MLIP: variants seen among roughly 807,000 people sequenced by gnomAD.
MLIP encodes the protein muscular LMNA-interacting protein.
In MLIP, 79 loss-of-function variants were observed where a neutral mutation model predicts 84.8. That is an observed-to-expected ratio of 0.93 (90% CI 0.78 to 1.12). The LOEUF (loss-of-function observed/expected upper bound fraction) is 1.12. Among genes scored for constraint, MLIP ranks in the 50% most tolerant of loss-of-function variants. The pLI is 0.00. For synonymous variants in MLIP, 504 were observed against 463.0 expected, an observed-to-expected ratio of 1.09 and a Z score of -1.14; for missense variants, 1,257 against 1,160.6, an observed-to-expected ratio of 1.08 and a Z score of -1.21.
chr6:54,229,212 G>A (rs535826101), intron 11 of MLIP, among the ~76,000 whole-genome samples: 42 of 152,208 alleles, frequency 2.8e-4, no homozygotes, highest in Non-Finnish European at 5.1e-4. Context: ...CAATCAGTAC[G>A]ATAATTCAGT....
chr6:54,258,440 A>G (rs1451174058), intron 13 of MLIP, among the ~76,000 whole-genome samples: 3 of 152,078 alleles, frequency 2.0e-5, no homozygotes, highest in Non-Finnish European at 4.4e-5. Context: ...ATGAATAGGT[A>G]TGCATTTATA....
intron 8 of MLIP, among the ~76,000 whole-genome samples, chr6:54,161,523 T>C (rs1774637519): frequency 6.6e-6 from 1 of 151,932 alleles, no homozygotes; most frequent in Admixed American, 6.6e-5. Context: ...TTTTCCTTTA[T>C]TGATAATTGT....
chr6:54,076,792 G>T (rs951904491), intron 1 of MLIP, among the ~76,000 whole-genome samples: 1 of 152,128 alleles, frequency 6.6e-6, no homozygotes, highest in Admixed American at 6.5e-5. Flanking sequence ...ATGGGGACGG[G>T]TTGGTATTGT....
intron 4 of MLIP, among the ~76,000 whole-genome samples, chr6:54,146,341 T>A (rs903724072): frequency 6.6e-6 from 1 of 152,216 alleles, no homozygotes; most frequent in African/African-American, 2.4e-5. Flanking sequence ...TTTTACTATG[T>A]GCTAAAAACA....
At chr6:54,156,024 G>A (rs9395909) in intron 5 of MLIP, among the ~76,000 whole-genome samples, 1,671 of 152,042 alleles carry the variant, frequency 0.011, 33 homozygotes, top group African/African-American at 0.035. Flanking sequence ...ACTTTTACCC[G>A]AAATGAATAA....
chr6:54,266,219 C>T lies in MLIP; in HGVS notation c.*264C>T, dbSNP rs558641680. On this transcript the variant is annotated 3_prime_UTR_variant, in exon 14 of 14. Transcript: ENST00000502396. ...GCCTTCTACTTAATATTAAGCTGACCGCAATACTAACGTGCCCCTATATTT... is the reference window on the plus strand; with the variant it reads ...GCCTTCTACTTAATATTAAGCTGACTGCAATACTAACGTGCCCCTATATTT... The T allele has an allele frequency of 3.0e-5, 12 of 401,490 alleles. No homozygotes were observed. The highest frequency in any genetic ancestry group is 4.1e-5 in the Admixed American group (1 of 24,608). The allele number at this position is 401,490 out of a possible 1,614,324, so 24.9% of individuals were successfully genotyped here.
At chr6:54,149,803 C>T (rs746698453) in intron 5 of MLIP, among the ~76,000 whole-genome samples, 1 of 152,128 alleles carries the variant, frequency 6.6e-6, no homozygotes, top group Non-Finnish European at 1.5e-5. Context: ...TAGGCTGTTA[C>T]ATAAGTAGGT....
chr6:54,257,005 C>T (rs117505085), intron 12 of MLIP, among the ~76,000 whole-genome samples: 59 of 152,106 alleles, frequency 3.9e-4, no homozygotes, highest in East Asian at 2.1e-3. Flanking sequence ...TGCATTTTGA[C>T]GATTCCTTCA....
intron 1 of MLIP, among the ~76,000 whole-genome samples, chr6:54,120,454 G>T (rs1395933147): frequency 6.6e-6 from 1 of 152,082 alleles, no homozygotes; most frequent in Non-Finnish European, 1.5e-5. Context: ...AGCCAGGCTG[G>T]TTTCAAACCC....
intron 11 of MLIP, among the ~76,000 whole-genome samples, chr6:54,223,463 T>G (rs1463511138): frequency 6.6e-6 from 1 of 152,120 alleles, no homozygotes; most frequent in African/African-American, 2.4e-5. Flanking sequence ...TTCATTCTTC[T>G]GCATGAGGAC....
chr6:54,146,708 T>C (rs1472854727), intron 4 of MLIP, among the ~76,000 whole-genome samples: 1 of 152,240 alleles, frequency 6.6e-6, no homozygotes, highest in East Asian at 1.9e-4. Flanking sequence ...TCACTTCTTA[T>C]GGTAAGATTC....
At chr6:54,032,685 C>T (rs1321278443) in intron 1 of MLIP, among the ~76,000 whole-genome samples, 1 of 152,190 alleles carries the variant, frequency 6.6e-6, no homozygotes, top group African/African-American at 2.4e-5. Context: ...TCCTGAGTAG[C>T]TGGGACTAGA....
chr6:54,247,751 C>A (rs1179319539), intron 12 of MLIP, among the ~76,000 whole-genome samples: 1 of 152,052 alleles, frequency 6.6e-6, no homozygotes, highest in East Asian at 1.9e-4. Context: ...CATCTGCCTG[C>A]CAACCAACCA....
intron 1 of MLIP, among the ~76,000 whole-genome samples, chr6:54,112,923 A>G (rs1769591103): frequency 6.6e-6 from 1 of 152,196 alleles, no homozygotes; most frequent in Non-Finnish European, 1.5e-5. Flanking sequence ...CAACTTTTAA[A>G]AAGTTCATAG....
chr6:54,158,344 T>G (rs940666461), intron 5 of MLIP, among the ~76,000 whole-genome samples: 1 of 152,118 alleles, frequency 6.6e-6, no homozygotes, highest in African/African-American at 2.4e-5. Context: ...AATCTTTGAT[T>G]TTTTCTGTTT....
At chr6:54,031,752 A>AC (rs989502038) in intron 1 of MLIP, 1 of 152,050 alleles carries the variant, frequency 6.6e-6, no homozygotes, top group African/African-American at 2.4e-5. Flanking sequence ...AAAATGAGAG[A>AC]CCCTGAGCAT....
intron 5 of MLIP, among the ~76,000 whole-genome samples, chr6:54,157,098 G>A (rs1403734188): frequency 1.3e-5 from 2 of 152,068 alleles, no homozygotes; most frequent in Admixed American, 6.6e-5. Context: ...AGTTCTTTGT[G>A]GTTAAAGAGC....
rs535461884 is a variant in MLIP at position 54,215,138 on chromosome 6, A to G, written c.2718+12905A>G. ...ACTAAAAGCTGTCCACTTTACACTC[A>G]GGCTGCACATTCTGTGGACTCCTAC... On this transcript the variant is annotated intron_variant, in intron 11 of 13. Transcript: ENST00000502396. 11 of 1,534,922 alleles carry G rather than the reference A, an allele frequency of 7.2e-6. No homozygotes were observed. In the African/African-American group the frequency reaches 1.1e-4, roughly 15 times the overall value.
intron 9 of MLIP, among the ~76,000 whole-genome samples, chr6:54,179,737 GT>G (rs553858614): frequency 2.1e-3 from 315 of 151,804 alleles, no homozygotes; most frequent in African/African-American, 6.5e-3. Flanking sequence ...ACTTTTTGTT[GT>G]TTTTTTATGT....
Sources: gnomAD v4.1 joint callset for allele counts (sites outside exome capture counted in the v4.1 genomes callset) on GRCh38, gnomAD v4.1.1 for gene constraint, MANE v1.5 for transcripts, NCBI Gene and HGNC (gene_info 2026-07-23, HGNC 2026-07-21) for gene names.